Variants in PRKCA observed in about 807,000 individuals in gnomAD.
The protein encoded by PRKCA is protein kinase C alpha type.
PRKCA carries 27 observed loss-of-function variants against 87.0 expected under a neutral mutation model. The ratio of observed to expected loss-of-function variants is 0.31; its 90% CI spans 0.23 to 0.43. PRKCA has a LOEUF of 0.43. Among genes scored for constraint, PRKCA ranks in the 20% least tolerant of loss-of-function variants. The probability of loss-of-function intolerance (pLI) is 1.00; values close to 1 mark genes in which losing one functional copy is unlikely to be tolerated. For synonymous variants in PRKCA, 329 were observed against 311.1 expected, an observed-to-expected ratio of 1.06 and a Z score of -0.61; for missense variants, 518 against 852.3, an observed-to-expected ratio of 0.61 and a Z score of 4.88.
intron 2 of PRKCA, chr17:66,414,875 G>A (rs1912044476): frequency 6.6e-6 from 1 of 152,120 alleles, no homozygotes; most frequent in Non-Finnish European, 1.5e-5. Flanking sequence ...ACTAGAAATT[G>A]TTTTTAAAGA....
At chr17:66,433,874 C>A (rs764686256) in intron 2 of PRKCA, among the ~76,000 whole-genome samples, 8 of 152,158 alleles carry the variant, frequency 5.3e-5, no homozygotes, top group Non-Finnish European at 7.3e-5. Context: ...ACATCTCACT[C>A]AAACCTCCAG....
intron 10 of PRKCA, among the ~76,000 whole-genome samples, chr17:66,738,522 G>A (rs1203395559): frequency 2.0e-5 from 3 of 152,224 alleles, no homozygotes; most frequent in Non-Finnish European, 2.9e-5. Flanking sequence ...AGGAAGGCAC[G>A]TTGATGGAGA....
At chr17:66,532,655 G>A (rs367970590) in intron 3 of PRKCA, among the ~76,000 whole-genome samples, 2 of 151,956 alleles carry the variant, frequency 1.3e-5, no homozygotes, top group East Asian at 1.9e-4. Context: ...CACTGCGCCC[G>A]GCCCATCCTT....
chr17:66,663,283 G>A (rs1971956747), intron 5 of PRKCA, among the ~76,000 whole-genome samples: 1 of 152,242 alleles, frequency 6.6e-6, no homozygotes, highest in Admixed American at 6.5e-5. Flanking sequence ...GGGTGATTCA[G>A]CTACTTCAGG....
At chr17:66,375,658 C>A (rs1909376519) in intron 2 of PRKCA, among the ~76,000 whole-genome samples, 1 of 152,190 alleles carries the variant, frequency 6.6e-6, no homozygotes, top group Non-Finnish European at 1.5e-5. Context: ...TGTGTCTTTT[C>A]TGCCAATATT....
At chr17:66,304,090 A>G (rs1423471427) in intron 1 of PRKCA, among the ~76,000 whole-genome samples, 1 of 152,096 alleles carries the variant, frequency 6.6e-6, no homozygotes, top group Non-Finnish European at 1.5e-5. Flanking sequence ...AAAATAATAT[A>G]AGGGCCAGAG....
chr17:66,566,635 C>T (rs1199493747), intron 3 of PRKCA, among the ~76,000 whole-genome samples: 1 of 151,850 alleles, frequency 6.6e-6, no homozygotes, highest in Admixed American at 6.6e-5. Flanking sequence ...TAGTTATATC[C>T]TTCTAGCATG....
Position 66,535,937 on chromosome 17 carries a change from A to G in PRKCA, c.288+39654A>G, listed in dbSNP as rs1030512209. Among the ~76,000 whole-genome samples, 51 of 152,202 alleles carry G rather than the reference A, an allele frequency of 3.4e-4. 1 individual carries two copies. Among genetic ancestry groups the G allele is most frequent in the Non-Finnish European group, 1.2e-4 (8 of 68,044 alleles). ...ATCAAAACAGCATCATGCCTGGAAC[A>G]TACTGAATGGACAGCATTTCCTTTC... On this transcript the variant is annotated intron_variant, in intron 3 of 16. Coordinates refer to ENST00000413366, the MANE Select transcript of PRKCA (RefSeq NM_002737.3).
At chr17:66,396,632 T>TC (rs1567807620) in intron 2 of PRKCA, among the ~76,000 whole-genome samples, 3 of 7,450 alleles carry the variant, frequency 4.0e-4, no homozygotes, top group East Asian at 6.5e-3. Flanking sequence ...ATTCTCTCTC[T>TC]TTTTTTTTTT....
chr17:66,798,003 A>G (rs1975707612), intron 16 of PRKCA, among the ~76,000 whole-genome samples: 1 of 152,190 alleles, frequency 6.6e-6, no homozygotes, highest in Non-Finnish European at 1.5e-5. Context: ...ATGGACAGCC[A>G]CACCTGCCCG....
intron 16 of PRKCA, among the ~76,000 whole-genome samples, chr17:66,795,287 C>A (rs1287074958): frequency 6.6e-6 from 1 of 152,176 alleles, no homozygotes; most frequent in Non-Finnish European, 1.5e-5. Flanking sequence ...GGCCACATCT[C>A]ATCAGTTCTC....
At chr17:66,604,033 T>C (rs1171415928) in intron 3 of PRKCA, among the ~76,000 whole-genome samples, 1 of 152,200 alleles carries the variant, frequency 6.6e-6, no homozygotes, top group Admixed American at 6.5e-5. Flanking sequence ...TTGAGTTGTT[T>C]GCACCTTCCC....
At chr17:66,631,981 T>TG (rs1381813316) in intron 3 of PRKCA, among the ~76,000 whole-genome samples, 4 of 152,204 alleles carry the variant, frequency 2.6e-5, no homozygotes, top group Admixed American at 2.6e-4. Context: ...AGAGTTGTAT[T>TG]GGTGGCTTGT....
At chr17:66,706,294 T>C (rs1177050564) in intron 8 of PRKCA, among the ~76,000 whole-genome samples, 1 of 151,982 alleles carries the variant, frequency 6.6e-6, no homozygotes, top group East Asian at 1.9e-4. Flanking sequence ...CAGTGAACTG[T>C]GACCCACACC....
intron 16 of PRKCA, among the ~76,000 whole-genome samples, chr17:66,790,480 G>C (rs1975505547): frequency 6.6e-6 from 1 of 152,154 alleles, no homozygotes; most frequent in African/African-American, 2.4e-5. Flanking sequence ...GGTGGGGAGA[G>C]TGATTAATGG....
chr17:66,577,978 T>C (rs1969293005), intron 3 of PRKCA, among the ~76,000 whole-genome samples: 1 of 152,032 alleles, frequency 6.6e-6, no homozygotes, highest in Admixed American at 6.5e-5. Context: ...CTCTGTGCCA[T>C]GGACCAGCCA....
At chr17:66,487,319 A>G (rs1195471693) in intron 2 of PRKCA, among the ~76,000 whole-genome samples, 1 of 152,124 alleles carries the variant, frequency 6.6e-6, no homozygotes, top group East Asian at 1.9e-4. Flanking sequence ...AATGACCTCC[A>G]GTTCTTTTCA....
chr17:66,404,967 C>T (rs1220096837), intron 2 of PRKCA, among the ~76,000 whole-genome samples: 2 of 151,984 alleles, frequency 1.3e-5, no homozygotes, highest in African/African-American at 4.8e-5. Flanking sequence ...CCAGGCTGAT[C>T]TCAAACTCCT....
chr17:66,497,452 C>T (rs1265395017), intron 3 of PRKCA, among the ~76,000 whole-genome samples: 1 of 150,940 alleles, frequency 6.6e-6, no homozygotes, highest in African/African-American at 2.4e-5. Flanking sequence ...GCTGATATCG[C>T]ACCACTGCAC....
Sources: allele counts gnomAD v4.1 joint callset (sites outside exome capture counted in the v4.1 genomes callset), GRCh38; gene constraint gnomAD v4.1.1; transcripts MANE v1.5; gene names NCBI Gene and HGNC (gene_info 2026-07-23, HGNC 2026-07-21).